The following CCND2 variants were observed in gnomAD, a reference collection of about 807,000 sequenced individuals.
CCND2 encodes the protein cyclin D2.
Under a neutral mutation model 30.2 loss-of-function variants are expected in CCND2, and 6 were observed. That is an observed-to-expected ratio of 0.20 (90% CI 0.11 to 0.39). CCND2 has a LOEUF of 0.39. Among genes scored for constraint, CCND2 ranks in the 10% least tolerant of loss-of-function variants. The probability of loss-of-function intolerance (pLI) is 1.00; values close to 1 mark genes in which losing one functional copy is unlikely to be tolerated. For synonymous variants in CCND2, 150 were observed against 153.1 expected (o/e 0.98, Z 0.15); for missense variants, 235 against 373.4 (o/e 0.63, Z 3.06).
intron 4 of CCND2, among the ~76,000 whole-genome samples, chr12:4,292,156 TAC>T (rs528841252): frequency 3.3e-5 from 5 of 152,062 alleles, no homozygotes; most frequent in African/African-American, 7.3e-5. Flanking sequence ...TATATGTATA[TAC>T]ACACACATAC....
chr12:4,282,937 T>C lies in CCND2; in HGVS notation c.571+4018T>C, dbSNP rs766227860. Among the ~76,000 whole-genome samples the C allele has an allele frequency of 6.6e-6, 1 of 152,160 alleles. No individual in the cohort carries two copies. The highest frequency in any genetic ancestry group is 1.5e-5 in the Non-Finnish European group (1 of 68,014). On this transcript the variant is annotated intron_variant, in intron 3 of 4. Coordinates refer to ENST00000261254, the MANE Select transcript of CCND2 (RefSeq NM_001759.4). The surrounding 1 kb of genome is among the most constrained non-coding windows in gnomAD (Gnocchi z 4.3). ...CTGACTGCAGGTTGGAGAAGAGAGATGGGGAAAGCCTGACCTGGCCTTCCC... is the reference window on the plus strand; with the variant it reads ...CTGACTGCAGGTTGGAGAAGAGAGACGGGGAAAGCCTGACCTGGCCTTCCC...
Position 4,300,030 on chromosome 12 carries a change from G to C in CCND2, c.*21G>C. The stretch of plus-strand genomic sequence containing the variant: ...TGTGAGGATGCCAGTTGGGCCGAAA[G>C]AGAGAGACGCGTCCATAATCTGGTC... On this transcript the variant is annotated 3_prime_UTR_variant, in exon 5 of 5. Transcript: ENST00000261254. The C allele has an allele frequency of 1.2e-6, 2 of 1,601,392 alleles. No individual in the cohort carries two copies. The highest frequency in any genetic ancestry group is 1.7e-6 in the Non-Finnish European group (2 of 1,170,706).
rs569878147 is a variant in CCND2, at chr12:4,274,530, C to T, written c.195+295C>T. On this transcript the variant is annotated intron_variant, in intron 1 of 4. Coordinates refer to ENST00000261254, the MANE Select transcript of CCND2 (RefSeq NM_001759.4). The surrounding 1 kb of genome is among the most constrained non-coding windows in gnomAD (Gnocchi z 7.7). The stretch of plus-strand genomic sequence containing the variant: ...TGTGGCTGCCTCTTCTTCCCACCCC[C>T]CTCGCGACCTGTCTTTTGCGAAGCC... 2.2e-4 allele frequency among the ~76,000 whole-genome samples: 33 copies of T among 152,326 alleles called. No individual in the cohort carries two copies. Among genetic ancestry groups the T allele is most frequent in the Admixed American group, 1.0e-3 (16 of 15,310 alleles).
In CCND2 at chr12:4,299,942, G is replaced by A. The variant is rs2120593416; in HGVS notation, c.803G>A (p.Gly268Glu). The A allele has an allele frequency of 6.2e-7, 1 of 1,614,180 alleles. No individual in the cohort carries two copies. The highest frequency in any genetic ancestry group is 8.5e-7 in the Non-Finnish European group (1 of 1,180,034). Residue 268 changes from glycine to glutamate, a missense_variant, in exon 5 of 5, where the codon GGA (glycine) becomes GAA (glutamate). Gly to Glu is a moderately conservative substitution (Grantham distance 98). This residue lies in a region of CCND2 where 57 missense variants were observed against 50.7 expected (regional missense o/e 1.12). Coordinates refer to ENST00000261254, the MANE Select transcript of CCND2 (RefSeq NM_001759.4). The surrounding 1 kb of genome is among the most constrained non-coding windows in gnomAD (Gnocchi z 5.2). ...CAGTACCGTCAGGACCAACGTGACG[G>A]ATCCAAGTCGGAGGATGAACTGGAC... ...LQQYRQDQRD[G>E]SKSEDELDQA...
intron 3 of CCND2, among the ~76,000 whole-genome samples, chr12:4,283,968 G>A (rs2120547065): frequency 6.6e-6 from 1 of 152,346 alleles, no homozygotes; most frequent in East Asian, 1.9e-4. Flanking sequence ...TACACAACTG[G>A]ATAGTGACAG....
Position 4,276,194 on chromosome 12 carries a change from A to C in CCND2, c.385A>C (p.Asn129His), listed in dbSNP as rs755925937. 1.2e-6 allele frequency: 2 copies of C among 1,614,096 alleles called. No individual in the cohort carries two copies. The highest frequency in any genetic ancestry group is 2.2e-5 in the East Asian group (1 of 44,886). The change falls in exon 2 of 5, where the codon AAC (asparagine) becomes CAC (histidine). Residue 129 changes from asparagine to histidine, a missense_variant. Asn to His is a moderately conservative substitution (Grantham distance 68). This residue lies in a region of CCND2 where 178 missense variants were observed against 322.8 expected (regional missense o/e 0.55). Transcript: ENST00000261254. The surrounding 1 kb of genome is among the most constrained non-coding windows in gnomAD (Gnocchi z 4.8). ...GGAGAAGCTGTGCATTTACACCGAC[A>C]ACTCCATCAAGCCTCAGGAGCTGCT... ...TAEKLCIYTD[N>H]SIKPQELLEW...
chr12:4,279,155 G>A (rs1377256607), intron 3 of CCND2, among the ~76,000 whole-genome samples: 1 of 151,898 alleles, frequency 6.6e-6, no homozygotes, highest in Admixed American at 6.5e-5. Context: ...GTGTGGTTAA[G>A]GCAAAAAAAA....
rs905989725 is a variant in CCND2, at chr12:4,301,689, T to C, written c.*1680T>C. The C allele has an allele frequency of 1.8e-5, 4 of 228,286 alleles. No individual in the cohort carries two copies. Among genetic ancestry groups the C allele is most frequent in the African/African-American group, 8.9e-5 (4 of 44,910 alleles). The allele number at this position is 228,286 out of a possible 1,614,324, so 14.1% of individuals were successfully genotyped here. A position where few individuals can be genotyped will look rare whatever the true frequency, so the allele number is the denominator to read the frequency against. ...ATTTTGTTTTGTTCAGTTTGGTTTT[T>C]TTTTTTTTTTGCGCTGCTAAGAAGC... On this transcript the variant is annotated 3_prime_UTR_variant, in exon 5 of 5. Transcript: ENST00000261254.
intron 2 of CCND2, among the ~76,000 whole-genome samples, chr12:4,277,845 T>C (rs1863894914): frequency 6.6e-6 from 1 of 152,274 alleles, no homozygotes; most frequent in Non-Finnish European, 1.5e-5. Flanking sequence ...GCTCAGTGGA[T>C]AGGCATATTT....
At chr12:4,296,846 A>G (rs1864176576) in intron 4 of CCND2, among the ~76,000 whole-genome samples, 1 of 152,216 alleles carries the variant, frequency 6.6e-6, no homozygotes, top group Non-Finnish European at 1.5e-5. Context: ...ACAGAGAAAG[A>G]AGAAAATATC....
chr12:4,279,021 T>C, intron 3 of CCND2, 102 bp downstream of exon 3: 1 of 1,219,398 alleles, frequency 8.2e-7, no homozygotes, highest in African/African-American at 1.5e-5. Context: ...AGTTCAGGAG[T>C]TTGGAGGAGG....
At chr12:4,283,315 T>C (rs1172042818) in intron 3 of CCND2, among the ~76,000 whole-genome samples, 1 of 152,200 alleles carries the variant, frequency 6.6e-6, no homozygotes, top group Non-Finnish European at 1.5e-5. Flanking sequence ...CCAATTCCTT[T>C]GATTCCTGAG....
intron 4 of CCND2, among the ~76,000 whole-genome samples, chr12:4,291,207 C>CTGTGTGTGTGTG (rs1320194012): frequency 0.052 from 7,187 of 138,708 alleles, 276 homozygotes; most frequent in East Asian, 0.15. Context: ...CTGGGCTAGG[C>CTGTGTGTGTGTG]TGTGTGTGTG....
At position 4,301,716 on chromosome 12, in the gene CCND2, A is replaced by T. The variant is rs1245230312; in HGVS notation, c.*1707A>T. On this transcript the variant is annotated 3_prime_UTR_variant, in exon 5 of 5. Coordinates refer to ENST00000261254, the MANE Select transcript of CCND2 (RefSeq NM_001759.4). ...TTTTTTTTTGCGCTGCTAAGAAGCT[A>T]AAGTCATCCATCCTTATTCACGTTG... 9.0e-6 allele frequency: 2 copies of T among 222,488 alleles called. No individual in the cohort carries two copies. The highest frequency in any genetic ancestry group is 1.8e-5 in the Non-Finnish European group (2 of 112,198). 13.8% of individuals were successfully genotyped at this position (222,488 alleles called of 1,614,324 possible). A position where few individuals can be genotyped will look rare whatever the true frequency, so the allele number is the denominator to read the frequency against.
Position 4,303,021 on chromosome 12 carries a change from G to A in CCND2, c.*3012G>A. 4.3e-6 allele frequency: 1 copy of A among 233,326 alleles called. No homozygotes were observed. The highest frequency in any genetic ancestry group is 2.2e-5 in the African/African-American group (1 of 45,468). 14.5% of individuals were successfully genotyped at this position (233,326 alleles called of 1,614,324 possible). On this transcript the variant is annotated 3_prime_UTR_variant, in exon 5 of 5. Coordinates refer to ENST00000261254, the MANE Select transcript of CCND2 (RefSeq NM_001759.4). The surrounding 1 kb of genome is among the most constrained non-coding windows in gnomAD (Gnocchi z 4.6). ...GAACCCTGGAGTTCTTGGGAATCTTGGAGCCTAAAGAGAAACCGAGGTGCA... is the reference window on the plus strand; with the variant it reads ...GAACCCTGGAGTTCTTGGGAATCTTAGAGCCTAAAGAGAAACCGAGGTGCA...
At position 4,276,156 on chromosome 12, in the gene CCND2, G is replaced by A. The variant is rs765770986; in HGVS notation, c.347G>A (p.Ser116Asn). ...CTGGCCTCCAAACTCAAAGAGACCA[G>A]CCCGCTGACCGCGGAGAAGCTGTGC... is the stretch of plus-strand genomic sequence containing the variant. ...MFLASKLKET[S>N]PLTAEKLCIY... The change falls in exon 2 of 5, where the codon AGC (serine) becomes AAC (asparagine). Residue 116 changes from serine (S) to asparagine (N), a missense_variant. By Grantham distance (46) the Ser-to-Asn change is conservative. Transcript: ENST00000261254. The surrounding 1 kb of genome is among the most constrained non-coding windows in gnomAD (Gnocchi z 4.8). 4 of 1,614,238 alleles carry A rather than the reference G, an allele frequency of 2.5e-6. No homozygotes were observed. The highest frequency in any genetic ancestry group is 3.3e-5 in the Admixed American group (2 of 60,034).
At chr12:4,286,979 G>A (rs900236802) in intron 3 of CCND2, among the ~76,000 whole-genome samples, 2 of 152,246 alleles carry the variant, frequency 1.3e-5, no homozygotes, top group Non-Finnish European at 2.9e-5. Flanking sequence ...TCACAGGGGG[G>A]AGCTAACGAG....
intron 3 of CCND2, 73 bp from the exon 4 acceptor site, chr12:4,288,769 T>A: frequency 6.8e-7 from 1 of 1,465,554 alleles, no homozygotes; most frequent in African/African-American, 1.4e-5. Flanking sequence ...TGTTTCTGAG[T>A]CTCTGCAGTC....
rs1242864601 is a variant in CCND2 at position 4,274,084 on chromosome 12, T to C, written c.44T>C (p.Val15Ala). The change falls in exon 1 of 5, where the codon GTG becomes GCG. Residue 15 changes from valine to alanine, a missense_variant. Val to Ala is a moderately conservative substitution (Grantham distance 64). Transcript: ENST00000261254. This position sits in a 1 kb window ranked among gnomAD's most constrained non-coding sequence, Gnocchi z 7.7. ...GAGGTGGACCCGGTCCGCAGGGCCG[T>C]GCGGGACCGCAACCTGCTCCGAGAC... The part of the protein sequence containing the change: ...CHEVDPVRRA[V>A]RDRNLLRDDR... 6.2e-7 allele frequency: 1 copy of C among 1,613,402 alleles called. No individual in the cohort carries two copies. The highest frequency in any genetic ancestry group is 1.3e-5 in the African/African-American group (1 of 74,912).
Sources: allele counts gnomAD v4.1 joint callset (sites outside exome capture counted in the v4.1 genomes callset), GRCh38; gene constraint gnomAD v4.1.1; regional missense constraint gnomAD v4.1.1; non-coding constraint Gnocchi (gnomAD v3.1); transcripts MANE v1.5; gene names NCBI Gene and HGNC (gene_info 2026-07-23, HGNC 2026-07-21).